Variants in GGTA1 observed in about 807,000 individuals in gnomAD.
The protein encoded by GGTA1 is glycoprotein alpha-galactosyltransferase 1 (inactive).
A neutral mutation model predicts 2.6 loss-of-function variants in GGTA1; 5 were observed. The ratio of observed to expected loss-of-function variants is 1.92; its 90% CI spans 1.00 to 4.04. The LOEUF is 4.04. Among genes scored for constraint, GGTA1 ranks in the 30% most tolerant of loss-of-function variants. The pLI is 0.00. For missense variants in GGTA1, 50 were observed against 16.7 expected (o/e 2.99, Z -3.47); for synonymous variants, 17 against 5.0 (o/e 3.38, Z -3.19).
chr9:121,456,696 G>A (rs756383052), intron 5 of GGTA1, among the ~76,000 whole-genome samples: 31 of 151,866 alleles, frequency 2.0e-4, no homozygotes, highest in Non-Finnish European at 3.2e-4. Context: ...GATTACAGGC[G>A]TGAGCTACCA....
chr9:121,464,827 T>C (rs541769612), intron 2 of GGTA1, among the ~76,000 whole-genome samples: 2 of 152,322 alleles, frequency 1.3e-5, no homozygotes, highest in Admixed American at 6.5e-5. Flanking sequence ...TCCTAGATGA[T>C]ATTCTTTCAA....
intron 5 of GGTA1, among the ~76,000 whole-genome samples, chr9:121,458,169 C>T (rs1199856701): frequency 6.6e-6 from 1 of 151,734 alleles, no homozygotes; most frequent in African/African-American, 2.4e-5. Context: ...CTCGGCCTCC[C>T]AAAGTGCTAG....
intron 1 of GGTA1, among the ~76,000 whole-genome samples, chr9:121,473,319 CAAA>C (rs10712323): frequency 2.0e-4 from 19 of 96,370 alleles, no homozygotes; most frequent in Admixed American, 3.5e-4. Context: ...GACTCCATCT[CAAA>C]AAAAAAAAAA....
intron 1 of GGTA1, among the ~76,000 whole-genome samples, chr9:121,479,734 T>A (rs896279551): frequency 2.6e-5 from 4 of 151,338 alleles, no homozygotes; most frequent in African/African-American, 9.7e-5. Context: ...CACAGAGGAG[T>A]GGACAAAGGG....
At position 121,476,806 on chromosome 9, in the gene GGTA1, G is replaced by A. The variant is rs1828520810; in HGVS notation, c.-9-8875C>T. On this transcript the variant is annotated intron_variant, in intron 1 of 5. Coordinates refer to ENST00000481799, the MANE Select transcript of GGTA1 (RefSeq NM_001382585.1). This position sits in a 1 kb window ranked among gnomAD's most constrained non-coding sequence, Gnocchi z 4.6. ...ACTGGGCCTGATTTCCCATTAGGGT[G>A]AGCATGAGAAAGCCCCAAATGCTTC... Among the ~76,000 whole-genome samples the A allele has an allele frequency of 6.6e-6, 1 of 152,154 alleles. No homozygotes were observed. The highest frequency in any genetic ancestry group is 1.5e-5 in the Non-Finnish European group (1 of 68,020).
intron 1 of GGTA1, among the ~76,000 whole-genome samples, chr9:121,471,673 G>A (rs185028647): frequency 2.0e-4 from 31 of 152,278 alleles, no homozygotes; most frequent in Non-Finnish European, 3.7e-4. Flanking sequence ...AACTGTGATG[G>A]GCAGTATTCC....
intron 3 of GGTA1, 191 bp downstream of exon 3, chr9:121,463,102 G>A (rs1191669143): frequency 3.0e-6 from 1 of 329,774 alleles, no homozygotes; most frequent in East Asian, 1.0e-4. Flanking sequence ...CAAGATACAA[G>A]CCATGGTTCT....
At chr9:121,481,328 CTGAG>C (rs1828644267) in intron 1 of GGTA1, among the ~76,000 whole-genome samples, 1 of 152,064 alleles carries the variant, frequency 6.6e-6, no homozygotes, top group South Asian at 2.1e-4. Context: ...ACACACAGCA[CTGAG>C]TGAAAGAAAC....
intron 1 of GGTA1, among the ~76,000 whole-genome samples, chr9:121,482,695 G>A (rs1162152044): frequency 6.6e-6 from 1 of 152,172 alleles, no homozygotes; most frequent in Non-Finnish European, 1.5e-5. Flanking sequence ...CTTGAACCTG[G>A]GAGGTGGAGT....
downstream of GGTA1, among the ~76,000 whole-genome samples, chr9:121,454,267 C>T (rs2064893952): frequency 6.6e-6 from 1 of 152,196 alleles, no homozygotes; most frequent in Non-Finnish European, 1.5e-5. Flanking sequence ...GTGCCAGGCA[C>T]CCACCACGTA....
chr9:121,450,741 C>A (rs190232498), downstream of GGTA1, among the ~76,000 whole-genome samples: 3 of 152,270 alleles, frequency 2.0e-5, no homozygotes, highest in East Asian at 3.9e-4. Flanking sequence ...TGGCTCCCAA[C>A]CTATATGAGT....
At chr9:121,462,062 G>A (rs950066178) in intron 3 of GGTA1, among the ~76,000 whole-genome samples, 6 of 152,202 alleles carry the variant, frequency 3.9e-5, no homozygotes, top group Admixed American at 1.3e-4. Flanking sequence ...GGTGGCTCAC[G>A]CCTGTAATCC....
At chr9:121,482,710 G>A (rs549986414) in intron 1 of GGTA1, among the ~76,000 whole-genome samples, 7 of 152,144 alleles carry the variant, frequency 4.6e-5, no homozygotes, top group South Asian at 2.1e-4. Flanking sequence ...TGGAGTTTGC[G>A]GTGAGCCAAG....
intron 1 of GGTA1, chr9:121,479,325 G>A: frequency 2.8e-6 from 1 of 355,786 alleles, no homozygotes; most frequent in Non-Finnish European, 5.5e-6. Context: ...GAAGGTGCTG[G>A]TTTCAACTCC....
downstream of GGTA1, among the ~76,000 whole-genome samples, chr9:121,454,777 C>T (rs2064897220): frequency 1.3e-5 from 2 of 152,160 alleles, no homozygotes; most frequent in Admixed American, 6.5e-5. Context: ...TTTTAGGAGG[C>T]CAAGGCGGGT....
chr9:121,497,518 C>T (rs984889540), intron 1 of GGTA1, among the ~76,000 whole-genome samples: 1 of 152,128 alleles, frequency 6.6e-6, no homozygotes, highest in Non-Finnish European at 1.5e-5. Context: ...CTCTCTCAGC[C>T]TTCCTTTCCT....
intron 1 of GGTA1, among the ~76,000 whole-genome samples, chr9:121,472,774 C>T (rs1828418947): frequency 6.6e-6 from 1 of 152,130 alleles, no homozygotes. Flanking sequence ...TGCTGAGGAT[C>T]AAATGCAAAT....
chr9:121,472,779 G>A (rs935101510), intron 1 of GGTA1, among the ~76,000 whole-genome samples: 4 of 152,174 alleles, frequency 2.6e-5, no homozygotes, highest in African/African-American at 9.7e-5. Flanking sequence ...AGGATCAAAT[G>A]CAAATTGTAA....
At chr9:121,474,901 C>T (rs560712208) in intron 1 of GGTA1, among the ~76,000 whole-genome samples, 29 of 150,640 alleles carry the variant, frequency 1.9e-4, no homozygotes, top group East Asian at 1.9e-4. Context: ...ACCCGTCCTC[C>T]GCTTGAGCCT....
Sources: allele counts gnomAD v4.1 joint callset (sites outside exome capture counted in the v4.1 genomes callset), GRCh38; gene constraint gnomAD v4.1.1; non-coding constraint Gnocchi (gnomAD v3.1); transcripts MANE v1.5; gene names NCBI Gene and HGNC (gene_info 2026-07-23, HGNC 2026-07-21).